The following SEMA6D variants were observed in gnomAD, a reference collection of about 807,000 sequenced individuals.
SEMA6D encodes semaphorin 6D, also known as semaphorin-6D.
A neutral mutation model predicts 106.6 loss-of-function variants in SEMA6D; 35 were observed. That is an observed-to-expected ratio of 0.33 (90% confidence interval 0.25 to 0.44). SEMA6D has a LOEUF of 0.44. SEMA6D is among the 20% of genes least tolerant of loss of function. The pLI is 1.00. For missense variants in SEMA6D, 1,185 were observed against 1,345.9 expected (o/e 0.88, Z 1.87); for synonymous variants, 499 against 487.7 (o/e 1.02, Z -0.31).
chr15:47,573,357 T>G (rs2076097244), intron 3 of SEMA6D, among the ~76,000 whole-genome samples: 1 of 152,084 alleles, frequency 6.6e-6, no homozygotes, highest in Non-Finnish European at 1.5e-5. Flanking sequence ...ACAGGCAAGA[T>G]TTAGTCACAA....
At chr15:47,626,911 T>C (rs1168717253) in intron 4 of SEMA6D, among the ~76,000 whole-genome samples, 2 of 152,166 alleles carry the variant, frequency 1.3e-5, no homozygotes, top group East Asian at 3.9e-4. Flanking sequence ...AATTTCCTAA[T>C]AGTTACAATC....
At chr15:47,447,074 G>A (rs1259629434) in intron 2 of SEMA6D, among the ~76,000 whole-genome samples, 1 of 152,098 alleles carries the variant, frequency 6.6e-6, no homozygotes, top group East Asian at 1.9e-4. Flanking sequence ...TATCCATGCT[G>A]AAGGGCATTT....
chr15:47,292,246 A>G (rs903235095), intron 1 of SEMA6D, among the ~76,000 whole-genome samples: 12 of 152,310 alleles, frequency 7.9e-5, no homozygotes, highest in African/African-American at 2.9e-4. Context: ...AAGATGTGAT[A>G]CTTTCATTTT....
chr15:47,529,556 A>T (rs115890105), intron 3 of SEMA6D, among the ~76,000 whole-genome samples: 1 of 149,834 alleles, frequency 6.7e-6, no homozygotes, highest in African/African-American at 2.5e-5. Context: ...AAGAGATTCA[A>T]ATTCTTCTGG....
chr15:47,538,812 T>G (rs1596273006), intron 3 of SEMA6D, among the ~76,000 whole-genome samples: 1 of 152,204 alleles, frequency 6.6e-6, no homozygotes, highest in African/African-American at 2.4e-5. Flanking sequence ...AACTTTGATG[T>G]ATGTATAGGG....
chr15:47,288,706 G>C (rs1280595930), intron 1 of SEMA6D, among the ~76,000 whole-genome samples: 1 of 152,100 alleles, frequency 6.6e-6, no homozygotes, highest in Non-Finnish European at 1.5e-5. Flanking sequence ...ATGATTTTGT[G>C]CACTTTTGCA....
At chr15:47,596,953 ATCT>A (rs2076549238) in intron 3 of SEMA6D, among the ~76,000 whole-genome samples, 1 of 152,116 alleles carries the variant, frequency 6.6e-6, no homozygotes, top group South Asian at 2.1e-4. Context: ...CAGACTAAAA[ATCT>A]TCTCCATAGC....
At chr15:47,524,341 A>C (rs890953575) in intron 3 of SEMA6D, among the ~76,000 whole-genome samples, 10 of 152,306 alleles carry the variant, frequency 6.6e-5, no homozygotes, top group Admixed American at 5.9e-4. Context: ...CTTTCCATGC[A>C]GGTGGCTGGG....
chr15:47,417,227 A>G (rs534661760), intron 2 of SEMA6D, among the ~76,000 whole-genome samples: 34 of 152,220 alleles, frequency 2.2e-4, no homozygotes, highest in African/African-American at 7.9e-4. Context: ...AAACATTTTA[A>G]AAGCTTGAAT....
chr15:47,726,645 T>A (rs2079771351), intron 1 of SEMA6D, among the ~76,000 whole-genome samples: 1 of 152,200 alleles, frequency 6.6e-6, no homozygotes, highest in African/African-American at 2.4e-5. Context: ...TTTCACCTTA[T>A]AAAAGGTGGA....
intron 2 of SEMA6D, among the ~76,000 whole-genome samples, chr15:47,469,812 A>C (rs1369040195): frequency 6.6e-6 from 1 of 152,172 alleles, no homozygotes; most frequent in Non-Finnish European, 1.5e-5. Flanking sequence ...TTGTATGTTG[A>C]TATATTAAAA....
At chr15:47,354,497 T>TTA (rs368121186) in intron 1 of SEMA6D, among the ~76,000 whole-genome samples, 60,334 of 145,170 alleles carry the variant, frequency 0.42, 14,041 homozygotes, top group African/African-American at 0.64. Flanking sequence ...AAGAACTAAG[T>TTA]TATATATATA....
chr15:47,647,079 T>A (rs1352716714), intron 4 of SEMA6D, among the ~76,000 whole-genome samples: 1 of 152,194 alleles, frequency 6.6e-6, no homozygotes, highest in African/African-American at 2.4e-5. Flanking sequence ...ACAGGTACAA[T>A]TTTAGCTTAG....
intron 3 of SEMA6D, among the ~76,000 whole-genome samples, chr15:47,475,679 G>A (rs1321598356): frequency 6.6e-6 from 1 of 152,122 alleles, no homozygotes; most frequent in Non-Finnish European, 1.5e-5. Flanking sequence ...CAGCATCCCA[G>A]TTCATAGTAA....
intron 2 of SEMA6D, among the ~76,000 whole-genome samples, chr15:47,431,652 A>ATGT: frequency 6.6e-6 from 1 of 152,144 alleles, no homozygotes; most frequent in African/African-American, 2.4e-5. Flanking sequence ...CTTGAGGTCT[A>ATGT]GCATGTGCAT....
At position 47,774,099 on chromosome 15, in the gene SEMA6D, G is replaced by GT. The variant is rs1472115416; in HGVS notation, c.*2318dup. On this transcript the variant is annotated 3_prime_UTR_variant, in exon 19 of 19. Coordinates refer to ENST00000536845, the MANE Select transcript of SEMA6D (RefSeq NM_001358351.3). ...CCCTCAAGTGAAGTGTCTCTATACT[G>GT]TTTTATAGAGTACTTTAACATGAAT... 1.3e-5 allele frequency: 2 copies of GT among 152,494 alleles called. No individual in the cohort carries two copies. Among genetic ancestry groups the GT allele is most frequent in the Non-Finnish European group, 2.9e-5 (2 of 68,006 alleles). 9.4% of individuals were successfully genotyped at this position (152,494 alleles called of 1,614,324 possible).
At chr15:47,617,856 A>G (rs1423999183) in intron 4 of SEMA6D, among the ~76,000 whole-genome samples, 1 of 152,214 alleles carries the variant, frequency 6.6e-6, no homozygotes, top group African/African-American at 2.4e-5. Context: ...CTGTGTAACT[A>G]TTAGTTACTC....
chr15:47,285,229 C>T (rs1294207771), intron 1 of SEMA6D, among the ~76,000 whole-genome samples: 1 of 151,854 alleles, frequency 6.6e-6, no homozygotes, highest in Non-Finnish European at 1.5e-5. Context: ...TCTGCCTTTC[C>T]CCCACTCTGT....
intron 1 of SEMA6D, among the ~76,000 whole-genome samples, chr15:47,371,714 A>C (rs1248605061): frequency 2.6e-5 from 4 of 152,188 alleles, no homozygotes; most frequent in Non-Finnish European, 1.5e-5. Flanking sequence ...CCATTAAAAA[A>C]AATCTGGTCA....
Sources: gnomAD v4.1 joint callset for allele counts (sites outside exome capture counted in the v4.1 genomes callset) on GRCh38, gnomAD v4.1.1 for gene constraint, MANE v1.5 for transcripts, NCBI Gene and HGNC (gene_info 2026-07-23, HGNC 2026-07-21) for gene names.